Variants in FHOD3 observed in about 807,000 individuals in gnomAD.
The protein encoded by FHOD3 is FH1/FH2 domain-containing protein 3.
A neutral mutation model predicts 173.0 loss-of-function variants in FHOD3; 90 were observed. That is an observed-to-expected ratio of 0.52 (90% confidence interval 0.44 to 0.62). The LOEUF is 0.62. FHOD3 is among the 20% of genes least tolerant of loss of function. The probability of loss-of-function intolerance (pLI) is 0.00; values close to 1 mark genes in which losing one functional copy is unlikely to be tolerated. For synonymous variants in FHOD3, 828 were observed against 823.0 expected (o/e 1.01, Z -0.10); for missense variants, 1,945 against 2,034.7 (o/e 0.96, Z 0.85).
chr18:36,576,861 G>A (rs971766552), intron 6 of FHOD3, among the ~76,000 whole-genome samples: 3 of 152,166 alleles, frequency 2.0e-5, no homozygotes, highest in Non-Finnish European at 4.4e-5. Flanking sequence ...CCAGCACTTG[G>A]CAAGGCCAAA....
intron 9 of FHOD3, among the ~76,000 whole-genome samples, chr18:36,619,743 A>G (rs2148719347): frequency 6.6e-6 from 1 of 152,372 alleles, no homozygotes; most frequent in South Asian, 2.1e-4. Context: ...AGGTGCAGAC[A>G]GCAATCAAGA....
At chr18:36,537,814 G>T (rs1489954739) in intron 5 of FHOD3, among the ~76,000 whole-genome samples, 1 of 152,172 alleles carries the variant, frequency 6.6e-6, no homozygotes, top group Non-Finnish European at 1.5e-5. Flanking sequence ...TAAGGATATA[G>T]TGTAAGTCAG....
chr18:36,778,468 G>T lies in FHOD3; in HGVS notation c.4787-980G>T, dbSNP rs1489419671. 3 of 152,280 alleles carry T rather than the reference G, an allele frequency of 2.0e-5. 1 individual carries two copies. 9.4% of individuals were successfully genotyped at this position (152,280 alleles called of 1,614,324 possible). A position where few individuals can be genotyped will look rare whatever the true frequency, so the allele number is the denominator to read the frequency against. On this transcript the variant is annotated intron_variant, in intron 28 of 28. Transcript: ENST00000590592. ...GGTCAAATACAATTTGTAAATTAAG[G>T]AAAATGTAATTAGCCACCCTTTCAA...
At chr18:36,507,246 C>G (rs1325916464) in intron 4 of FHOD3, among the ~76,000 whole-genome samples, 1 of 152,222 alleles carries the variant, frequency 6.6e-6, no homozygotes, top group African/African-American at 2.4e-5. Context: ...GACACCTTTG[C>G]TTTCTGATGG....
In FHOD3 at chr18:36,662,394, G is replaced by A. The variant is rs138209993; in HGVS notation, c.1835+4206G>A. On this transcript the variant is annotated intron_variant, in intron 14 of 28. Transcript: ENST00000590592. Reference sequence around the variant, plus strand: ...GGAACCTCAGGCCCATACTTAGGACGCCAGAGAGGATTTCTCTGTGGACAT... The same window carrying A: ...GGAACCTCAGGCCCATACTTAGGACACCAGAGAGGATTTCTCTGTGGACAT... Among the ~76,000 whole-genome samples, 1,330 of 152,296 alleles carry A rather than the reference G, an allele frequency of 8.7e-3. 14 individuals are homozygous for A. Among genetic ancestry groups the A allele is most frequent in the South Asian group, 0.043 (207 of 4,826 alleles).
rs546057230 is a variant in FHOD3 at position 36,409,821 on chromosome 18, G to C, written c.337+37077G>C. The stretch of plus-strand genomic sequence containing the variant: ...CTTGGGGAAGAAGCACTGCCCTGAA[G>C]GTGGCTTTGGGGTGGCTTATTCCAC... On this transcript the variant is annotated intron_variant, in intron 3 of 28. Transcript: ENST00000590592. 2.6e-5 allele frequency among the ~76,000 whole-genome samples: 4 copies of C among 152,288 alleles called. No homozygotes were observed. In the East Asian group the frequency reaches 7.7e-4, roughly 29 times the overall value.
chr18:36,754,778 T>C (rs2150195924), intron 24 of FHOD3, among the ~76,000 whole-genome samples: 1 of 151,780 alleles, frequency 6.6e-6, no homozygotes, highest in South Asian at 2.1e-4. Context: ...CATATATCCA[T>C]TTTAGAAAAA....
intron 19 of FHOD3, among the ~76,000 whole-genome samples, chr18:36,724,338 C>T (rs1464900514): frequency 6.6e-6 from 1 of 152,228 alleles, no homozygotes; most frequent in Non-Finnish European, 1.5e-5. Flanking sequence ...GCTGAGTTTG[C>T]AGGCTCCTGC....
At chr18:36,310,819 C>T (rs987139923) in intron 1 of FHOD3, among the ~76,000 whole-genome samples, 9 of 151,828 alleles carry the variant, frequency 5.9e-5, no homozygotes, top group African/African-American at 2.2e-4. Flanking sequence ...GTAAAGGGCA[C>T]CTGGTACAGG....
intron 15 of FHOD3, among the ~76,000 whole-genome samples, chr18:36,683,259 C>T (rs545102689): frequency 3.3e-4 from 50 of 152,302 alleles, no homozygotes; most frequent in African/African-American, 1.2e-3. Flanking sequence ...GGGAGATTGG[C>T]ATATTTTACC....
intron 17 of FHOD3, among the ~76,000 whole-genome samples, chr18:36,705,799 T>A (rs1549526): frequency 0.023 from 3,437 of 152,326 alleles, 52 homozygotes; most frequent in Middle Eastern, 0.048. Flanking sequence ...TCCCTAGTTG[T>A]TGCCAAAGGT....
At chr18:36,690,452 G>A (rs1476870074) in intron 16 of FHOD3, among the ~76,000 whole-genome samples, 2 of 152,070 alleles carry the variant, frequency 1.3e-5, no homozygotes, top group East Asian at 1.9e-4. Context: ...TGCATGGGCC[G>A]GTGGGTCCTC....
intron 19 of FHOD3, among the ~76,000 whole-genome samples, chr18:36,726,530 A>C (rs759211799): frequency 2.0e-5 from 3 of 152,038 alleles, no homozygotes; most frequent in African/African-American, 7.3e-5. Context: ...TCTAACCTTC[A>C]CAAGGACCAC....
intron 8 of FHOD3, among the ~76,000 whole-genome samples, chr18:36,608,234 G>A (rs2032296873): frequency 6.6e-6 from 1 of 152,252 alleles, no homozygotes; most frequent in South Asian, 2.1e-4. Context: ...ATTACTCACA[G>A]TTCTTGAGGC....
At chr18:36,600,645 GTTC>G (rs1319427897) in intron 7 of FHOD3, among the ~76,000 whole-genome samples, 1 of 152,152 alleles carries the variant, frequency 6.6e-6, no homozygotes, top group Non-Finnish European at 1.5e-5. Context: ...GTGTTTGAGT[GTTC>G]TTATTATAAA....
At chr18:36,374,073 G>A (rs182805200) in intron 3 of FHOD3, among the ~76,000 whole-genome samples, 1 of 152,294 alleles carries the variant, frequency 6.6e-6, no homozygotes, top group Non-Finnish European at 1.5e-5. Flanking sequence ...GAATAGTAAG[G>A]TGGCAGAAAG....
Position 36,747,024 on chromosome 18 carries a change from T to C in FHOD3, c.4121T>C (p.Ile1374Thr), listed in dbSNP as rs1473803490. 4 of 1,614,082 alleles carry C rather than the reference T, an allele frequency of 2.5e-6. No individual in the cohort carries two copies. The highest frequency in any genetic ancestry group is 2.2e-5 in the East Asian group (1 of 44,866). ...GCTTCATGGGATCACCTCAAGGCAA[T>C]TGCAAAACATGAAATGAAACCAGTT... ...CKASWDHLKA[I>T]AKHEMKPVLK... is the part of the protein sequence containing the mutation. Residue 1374 changes from isoleucine (I) to threonine (T), a missense_variant, in exon 24 of 29, where the codon ATT becomes ACT. Around this residue, in one of 5 missense-constraint regions of FHOD3, gnomAD observed 354 missense variants for 359.9 expected, o/e 0.98. Transcript: ENST00000590592.
At chr18:36,563,033 C>T (rs2058143618) in intron 5 of FHOD3, among the ~76,000 whole-genome samples, 2 of 152,172 alleles carry the variant, frequency 1.3e-5, no homozygotes, top group Non-Finnish European at 2.9e-5. Flanking sequence ...TGCATGGGCT[C>T]AGCAACGAGT....
chr18:36,593,904 T>A (rs564928484), intron 6 of FHOD3, among the ~76,000 whole-genome samples: 1 of 152,330 alleles, frequency 6.6e-6, no homozygotes, highest in African/African-American at 2.4e-5. Flanking sequence ...CCTTGCTGTT[T>A]CTCGGCTGCA....
Sources: allele counts gnomAD v4.1 joint callset (sites outside exome capture counted in the v4.1 genomes callset), GRCh38; gene constraint gnomAD v4.1.1; regional missense constraint gnomAD v4.1.1; transcripts MANE v1.5; gene names NCBI Gene and HGNC (gene_info 2026-07-23, HGNC 2026-07-21).